The following NHS variants were observed in gnomAD, a reference collection of about 807,000 sequenced individuals.
The protein encoded by NHS is actin remodeling regulator NHS.
NHS carries 5 observed loss-of-function variants against 72.5 expected under a neutral mutation model. The ratio of observed to expected loss-of-function variants is 0.07; its 90% confidence interval spans 0.04 to 0.14. NHS has a LOEUF of 0.14. Among genes scored for constraint, NHS ranks in the 10% least tolerant of loss-of-function variants. The pLI is 1.00. For synonymous variants in NHS, 464 were observed against 547.7 expected, an observed-to-expected ratio of 0.85 and a Z score of 2.13; for missense variants, 1,072 against 1,355.7, an observed-to-expected ratio of 0.79 and a Z score of 3.29.
At chrX:17,526,325 C>T (rs2065173100) in intron 1 of NHS, among the ~76,000 whole-genome samples, 1 of 112,471 alleles carries the variant, frequency 8.9e-6, no homozygotes, top group Admixed American at 9.3e-5. Context: ...TCAGCTGAGG[C>T]CTAGCTGATC....
chrX:17,531,532 A>C (rs749883394), intron 1 of NHS, among the ~76,000 whole-genome samples: 1 of 112,049 alleles, frequency 8.9e-6, no homozygotes, highest in East Asian at 2.8e-4. Context: ...TATCAAGTCC[A>C]AGTGACCTAT....
chrX:17,457,819 G>A (rs1264711583), intron 1 of NHS, among the ~76,000 whole-genome samples: 2 of 111,568 alleles, frequency 1.8e-5, no homozygotes, highest in Non-Finnish European at 3.8e-5. Flanking sequence ...TATGTTCATT[G>A]TGGGATCCAG....
intron 1 of NHS, among the ~76,000 whole-genome samples, chrX:17,484,767 G>A (rs993122860): frequency 2.7e-5 from 3 of 109,804 alleles, no homozygotes; most frequent in Non-Finnish European, 5.7e-5. Context: ...GGAAGTGGTT[G>A]GGATGTGGAC....
chrX:17,561,574 G>GCGCACACACACACA (rs879101977), intron 1 of NHS, among the ~76,000 whole-genome samples: 42 of 65,399 alleles, frequency 6.4e-4, no homozygotes, highest in East Asian at 2.9e-3. Flanking sequence ...GCGCGCGCGC[G>GCGCACACACACACA]CACACACACA....
chrX:17,630,363 C>T (rs957959851), intron 1 of NHS, among the ~76,000 whole-genome samples: 1 of 108,218 alleles, frequency 9.2e-6, no homozygotes, highest in African/African-American at 3.4e-5. Context: ...GACATTAGAG[C>T]CCTAGCAGAG....
chrX:17,652,780 A>G (rs2065936405), intron 1 of NHS, among the ~76,000 whole-genome samples: 2 of 112,158 alleles, frequency 1.8e-5, no homozygotes, highest in Admixed American at 1.9e-4. Context: ...TAGATGATCA[A>G]TTTGCTAATT....
chrX:17,584,668 G>A (rs1348774864), intron 1 of NHS, among the ~76,000 whole-genome samples: 1 of 111,885 alleles, frequency 8.9e-6, no homozygotes, highest in Non-Finnish European at 1.9e-5. Flanking sequence ...AAAGCTGGGA[G>A]AATATTTAAA....
intron 1 of NHS, among the ~76,000 whole-genome samples, chrX:17,637,650 T>C (rs1447869382): frequency 3.6e-5 from 4 of 111,904 alleles, no homozygotes. Context: ...GCAAATTTTA[T>C]TACCACCAGG....
chrX:17,589,294 C>A (rs2065590973), intron 1 of NHS, among the ~76,000 whole-genome samples: 1 of 111,222 alleles, frequency 9.0e-6, no homozygotes, highest in South Asian at 3.8e-4. Flanking sequence ...AATTTGAAGT[C>A]CTTTATCCCT....
rs1220462842 is a variant in NHS at position 17,732,724 on chromosome X, T to C, written c.*260T>C. ...TTGATTTACGCAATCTCCTTCCTTGTGAAAATAGAGGATACAAAATTGTCT... is the reference window on the plus strand; with the variant it reads ...TTGATTTACGCAATCTCCTTCCTTGCGAAAATAGAGGATACAAAATTGTCT... On this transcript the variant is annotated 3_prime_UTR_variant, in exon 9 of 9. Coordinates refer to ENST00000676302, the MANE Select transcript of NHS (RefSeq NM_001291867.2). 1.1e-5 allele frequency: 4 copies of C among 370,667 alleles called. No individual in the cohort carries two copies. Among genetic ancestry groups the C allele is most frequent in the Non-Finnish European group, 1.9e-5 (4 of 214,326 alleles). 30.5% of individuals were successfully genotyped at this position (370,667 alleles called of 1,213,427 possible).
intron 1 of NHS, among the ~76,000 whole-genome samples, chrX:17,563,626 G>A (rs2065426688): frequency 8.9e-6 from 1 of 112,298 alleles, no homozygotes; most frequent in Non-Finnish European, 1.9e-5. Flanking sequence ...ATTTGGAAAG[G>A]TTTTTTCAGG....
chrX:17,719,611 A>G (rs1035954262), intron 4 of NHS, among the ~76,000 whole-genome samples: 1 of 108,949 alleles, frequency 9.2e-6, no homozygotes, highest in African/African-American at 3.4e-5. Flanking sequence ...TTTTTCCCCC[A>G]TTCACTGCCC....
chrX:17,571,515 A>G (rs1402978646), intron 1 of NHS, among the ~76,000 whole-genome samples: 18 of 111,627 alleles, frequency 1.6e-4, no homozygotes, highest in Admixed American at 2.8e-4. Context: ...TGGTGGTGGT[A>G]TCCCCTTTAT....
intron 1 of NHS, among the ~76,000 whole-genome samples, chrX:17,432,086 C>T (rs1431798816): frequency 8.9e-6 from 1 of 112,513 alleles, no homozygotes; most frequent in Non-Finnish European, 1.9e-5. Flanking sequence ...ATAAGGATGA[C>T]AGCTATGAAG....
At chrX:17,386,663 CAAAAAAA>C (rs1184465152) in intron 1 of NHS, among the ~76,000 whole-genome samples, 4 of 38,433 alleles carry the variant, frequency 1.0e-4, no homozygotes, top group Admixed American at 6.9e-4. Flanking sequence ...AACTCTGTCT[CAAAAAAA>C]AAAAAAAAAA....
At chrX:17,635,861 G>A (rs1439659406) in intron 1 of NHS, among the ~76,000 whole-genome samples, 2 of 112,244 alleles carry the variant, frequency 1.8e-5, no homozygotes, top group African/African-American at 6.5e-5. Context: ...GCTGGCCAAC[G>A]TTTTCGCCTT....
At chrX:17,705,022 TCA>T (rs1311099801) in intron 3 of NHS, among the ~76,000 whole-genome samples, 1 of 112,012 alleles carries the variant, frequency 8.9e-6, no homozygotes, top group Non-Finnish European at 1.9e-5. Flanking sequence ...GTTCCCCCTC[TCA>T]CTTTCTCAGA....
At chrX:17,575,841 C>T (rs750014834) in intron 1 of NHS, among the ~76,000 whole-genome samples, 6 of 111,693 alleles carry the variant, frequency 5.4e-5, no homozygotes, top group Non-Finnish European at 1.1e-4. Flanking sequence ...GGCTGGGGCT[C>T]AGCTCCTCTG....
chrX:17,420,480 A>G (rs2064618109), intron 1 of NHS, among the ~76,000 whole-genome samples: 1 of 110,481 alleles, frequency 9.1e-6, no homozygotes, highest in South Asian at 3.9e-4. Flanking sequence ...CCACCCATCT[A>G]TTCATCCACT....
Sources: allele counts gnomAD v4.1 joint callset (sites outside exome capture counted in the v4.1 genomes callset), GRCh38; gene constraint gnomAD v4.1.1; transcripts MANE v1.5; gene names NCBI Gene and HGNC (gene_info 2026-07-23, HGNC 2026-07-21).